DLGAP2: variants seen among roughly 807,000 people sequenced by gnomAD.
DLGAP2 encodes the protein DLG associated protein 2.
DLGAP2 carries 26 observed loss-of-function variants against 100.3 expected under a neutral mutation model. That is an observed-to-expected ratio of 0.26 (90% CI 0.19 to 0.36). DLGAP2 has a LOEUF of 0.36. DLGAP2 is among the 10% of genes least tolerant of loss of function. The pLI, the probability that DLGAP2 is intolerant of heterozygous loss-of-function variation, is 1.00. For missense variants in DLGAP2, 1,858 were observed against 1,453.2 expected (o/e 1.28, Z -4.53); for synonymous variants, 886 against 630.1 (o/e 1.41, Z -6.08).
chr8:1,006,147 C>T (rs910595781), intron 2 of DLGAP2, among the ~76,000 whole-genome samples: 3 of 152,118 alleles, frequency 2.0e-5, no homozygotes, highest in South Asian at 4.2e-4. Flanking sequence ...CGAGATCGCA[C>T]CACTGCACTC....
chr8:1,000,132 A>G, intron 2 of DLGAP2, among the ~76,000 whole-genome samples: 2 of 137,390 alleles, frequency 1.5e-5, no homozygotes, highest in African/African-American at 2.8e-5. Context: ...ATCCGGGTGG[A>G]CGTGGTTTTC....
chr8:1,198,513 A>G (rs890330602), intron 2 of DLGAP2, among the ~76,000 whole-genome samples: 6 of 151,990 alleles, frequency 3.9e-5, no homozygotes, highest in African/African-American at 1.2e-4. Flanking sequence ...AGCATCCCCC[A>G]GAGCTCGGGG....
intron 1 of DLGAP2, among the ~76,000 whole-genome samples, chr8:856,896 G>A (rs1247148630): frequency 6.6e-6 from 1 of 152,208 alleles, no homozygotes; most frequent in African/African-American, 2.4e-5. Context: ...ACATGAAGAG[G>A]CAGAAGACCC....
At chr8:1,541,845 C>G (rs553654081) in intron 4 of DLGAP2, among the ~76,000 whole-genome samples, 2 of 152,154 alleles carry the variant, frequency 1.3e-5, no homozygotes, top group African/African-American at 2.4e-5. Flanking sequence ...GGAACTGAAG[C>G]GAGAACAGAA....
At chr8:830,937 C>A (rs1796770475) in intron 1 of DLGAP2, among the ~76,000 whole-genome samples, 1 of 147,182 alleles carries the variant, frequency 6.8e-6, no homozygotes, top group South Asian at 2.1e-4. Context: ...GTTCTGTCAC[C>A]CAGGCTGGAG....
intron 10 of DLGAP2, among the ~76,000 whole-genome samples, chr8:1,675,188 T>C (rs1477002566): frequency 6.6e-6 from 1 of 152,216 alleles, no homozygotes; most frequent in Non-Finnish European, 1.5e-5. Context: ...GACGTCTCTG[T>C]CCGTTCCCCT....
chr8:1,252,537 G>T (rs1340358365), intron 2 of DLGAP2, among the ~76,000 whole-genome samples: 4 of 152,254 alleles, frequency 2.6e-5, no homozygotes, highest in Non-Finnish European at 4.4e-5. Flanking sequence ...TTGTCACGTG[G>T]TGTGTTGTGT....
chr8:1,382,929 G>T (rs1796129679), intron 3 of DLGAP2, among the ~76,000 whole-genome samples: 1 of 152,184 alleles, frequency 6.6e-6, no homozygotes, highest in Non-Finnish European at 1.5e-5. Context: ...GTGTGCGTGT[G>T]TGTGTGTGTA....
chr8:1,217,117 C>G (rs1798230272), intron 2 of DLGAP2, among the ~76,000 whole-genome samples: 1 of 152,178 alleles, frequency 6.6e-6, no homozygotes, highest in South Asian at 2.1e-4. Context: ...TGCCACCCTT[C>G]ACCCTCAAAT....
chr8:1,185,925 T>C (rs1748534045), intron 2 of DLGAP2, among the ~76,000 whole-genome samples: 1 of 152,010 alleles, frequency 6.6e-6, no homozygotes, highest in Non-Finnish European at 1.5e-5. Flanking sequence ...TGCCAAGGAC[T>C]TCTCGCCTCG....
At position 1,600,503 on chromosome 8, in the gene DLGAP2, G is replaced by T. The variant is rs539479574; in HGVS notation, c.1443-26237G>T. ...GTTCCATTCTCCCCGTCACTTTCAG[G>T]TACATTAATCTAATGTAGGATTGGT... On this transcript the variant is annotated intron_variant, in intron 6 of 14. Coordinates refer to ENST00000637795, the MANE Select transcript of DLGAP2 (RefSeq NM_001346810.2). Among the ~76,000 whole-genome samples the T allele has an allele frequency of 4.6e-5, 7 of 152,244 alleles. No homozygotes were observed. The South Asian group carries it at 6.2e-4, about 14-fold the overall frequency.
intron 2 of DLGAP2, among the ~76,000 whole-genome samples, chr8:1,007,013 G>T (rs1025425097): frequency 5.4e-5 from 8 of 148,244 alleles, no homozygotes; most frequent in Non-Finnish European, 1.0e-4. Flanking sequence ...CAGGGACACC[G>T]TGTGTCTGAA....
chr8:1,653,632 T>G (rs1798217268), intron 8 of DLGAP2, among the ~76,000 whole-genome samples: 1 of 152,164 alleles, frequency 6.6e-6, no homozygotes, highest in Non-Finnish European at 1.5e-5. Flanking sequence ...TCAGGATGTT[T>G]GGGCTGTAAA....
At chr8:952,168 T>C (rs987137820) in intron 2 of DLGAP2, among the ~76,000 whole-genome samples, 14 of 152,184 alleles carry the variant, frequency 9.2e-5, no homozygotes, top group African/African-American at 3.4e-4. Flanking sequence ...CCTTGTAAAA[T>C]AATCCGACCC....
intron 6 of DLGAP2, among the ~76,000 whole-genome samples, chr8:1,578,911 C>T (rs975059010): frequency 5.3e-5 from 8 of 152,212 alleles, no homozygotes; most frequent in South Asian, 2.1e-4. Flanking sequence ...ACCCTGCCCA[C>T]GTGCAGAGCA....
intron 2 of DLGAP2, among the ~76,000 whole-genome samples, chr8:1,054,346 A>G (rs1265304363): frequency 6.6e-6 from 1 of 152,106 alleles, no homozygotes; most frequent in Non-Finnish European, 1.5e-5. Context: ...ACCCATTAAA[A>G]CATTTTTGTG....
At chr8:1,424,869 C>G (rs917789469) in intron 3 of DLGAP2, among the ~76,000 whole-genome samples, 17 of 152,166 alleles carry the variant, frequency 1.1e-4, no homozygotes, top group African/African-American at 4.1e-4. Context: ...CTGCCAGCAG[C>G]TGGGGAGGGA....
At chr8:1,158,690 A>G (rs368620170) in intron 2 of DLGAP2, among the ~76,000 whole-genome samples, 21 of 152,356 alleles carry the variant, frequency 1.4e-4, no homozygotes, top group African/African-American at 4.3e-4. Flanking sequence ...GACGCCGTCC[A>G]CGGCAGCTTT....
At chr8:742,804 A>G (rs1046069057) in intron 1 of DLGAP2, among the ~76,000 whole-genome samples, 5 of 151,946 alleles carry the variant, frequency 3.3e-5, no homozygotes, top group African/African-American at 4.8e-5. Flanking sequence ...CACTTTTCCC[A>G]GCTGCATTTG....
Sources: allele counts gnomAD v4.1 joint callset (sites outside exome capture counted in the v4.1 genomes callset), GRCh38; gene constraint gnomAD v4.1.1; transcripts MANE v1.5; gene names NCBI Gene and HGNC (gene_info 2026-07-23, HGNC 2026-07-21).